GTF2H4: variants seen among roughly 807,000 people sequenced by gnomAD.
The protein encoded by GTF2H4 is BTF2 p52.
In GTF2H4, 49 loss-of-function variants were observed where a neutral mutation model predicts 62.2. The observed-to-expected ratio is 0.79, with a 90% confidence interval of 0.63 to 1.00. GTF2H4 has a LOEUF of 1.00. GTF2H4 is among the 50% of genes least tolerant of loss of function. The probability of loss-of-function intolerance (pLI) is 0.00; values close to 1 mark genes in which losing one functional copy is unlikely to be tolerated. For missense variants in GTF2H4, 479 were observed against 587.8 expected (o/e 0.81, Z 1.91); for synonymous variants, 189 against 233.8 (o/e 0.81, Z 1.75).
At position 30,911,311 on chromosome 6, in the gene GTF2H4, T is replaced by C. The variant is rs756851804; in HGVS notation, c.672+42T>C. ...ACTTAACCAGCATGCTCTGCTCCTC[T>C]CAGGTCTCACTGAGAGACTCCTGCC... On this transcript the variant is annotated intron_variant, in intron 7 of 13. Transcript: ENST00000259895. The surrounding 1 kb of genome is among the most constrained non-coding windows in gnomAD (Gnocchi z 4.3). 6.4e-7 allele frequency: 1 copy of C among 1,550,416 alleles called. No homozygotes were observed. Among genetic ancestry groups the C allele is most frequent in the Non-Finnish European group, 8.9e-7 (1 of 1,123,558 alleles).
In GTF2H4 at chr6:30,913,336, G is replaced by C. The variant is rs747335226; in HGVS notation, c.1165G>C (p.Asp389His). ...QTPVLPPTIT[D>H]QIRLWELERD... ...ACCTGTGCTGCCCCCCACCATCACCGACCAGATCCGGCTCTGGGAGCTGGA... is the reference window on the plus strand; with the variant it reads ...ACCTGTGCTGCCCCCCACCATCACCCACCAGATCCGGCTCTGGGAGCTGGA... The change falls in exon 13 of 14, where the codon GAC (aspartate) becomes CAC (histidine). Residue 389 changes from aspartate to histidine, a missense_variant. Physicochemically the swap from Asp to His is moderately conservative, Grantham distance 81 (BLOSUM62 -1). Coordinates refer to ENST00000259895, the MANE Select transcript of GTF2H4 (RefSeq NM_001517.5). The surrounding 1 kb of genome is among the most constrained non-coding windows in gnomAD (Gnocchi z 4.2). 2 of 1,613,378 alleles carry C rather than the reference G, an allele frequency of 1.2e-6. No homozygotes were observed. Among genetic ancestry groups the C allele is most frequent in the African/African-American group, 1.3e-5 (1 of 75,034 alleles).
At position 30,908,257 on chromosome 6, in the gene GTF2H4, G is replaced by T. The variant is rs2074510; in HGVS notation, c.-150G>T. On this transcript the variant is annotated 5_prime_UTR_variant, in exon 1 of 14. Transcript: ENST00000259895. ...TCTGAATTCTCCATTCTGGGCTCTTGCCTGTGAAATCTTTCTTTGCTTTCC... is the reference window on the plus strand; with the variant it reads ...TCTGAATTCTCCATTCTGGGCTCTTTCCTGTGAAATCTTTCTTTGCTTTCC... The T allele has an allele frequency of 0.26, 39,724 of 153,302 alleles. 6,064 individuals carry two copies. The highest frequency in any genetic ancestry group is 0.61 in the East Asian group (3,153 of 5,180). The allele number at this position is 153,302 out of a possible 1,614,324, so 9.5% of individuals were successfully genotyped here.
rs369929804 is a variant in GTF2H4, at chr6:30,910,739, A to G, written c.449A>G (p.Lys150Arg). ...KHARDVPSLD[K>R]YAEERWEVVL... ...GCCCGGGACGTTCCCTCCCTTGACA[A>G]GTACGCCGAGGAGCGATGGGAGGTA... The change falls in exon 5 of 14, where the codon AAG (lysine) becomes AGG (arginine). Residue 150 changes from lysine to arginine, a missense_variant. Physicochemically the swap from Lys to Arg is conservative, Grantham distance 26. Transcript: ENST00000259895. This position sits in a 1 kb window ranked among gnomAD's most constrained non-coding sequence, Gnocchi z 4.7. 1 of 1,612,716 alleles carries G rather than the reference A, an allele frequency of 6.2e-7. No individual in the cohort carries two copies. The highest frequency in any genetic ancestry group is 8.5e-7 in the Non-Finnish European group (1 of 1,179,896).
chr6:30,911,087 C>T lies in GTF2H4; in HGVS notation c.561-71C>T, dbSNP rs1020639460. 5.1e-6 allele frequency: 7 copies of T among 1,383,656 alleles called. No individual in the cohort carries two copies. The highest frequency in any genetic ancestry group is 2.2e-4 in the Middle Eastern group (1 of 4,596). The allele number at this position is 1,383,656 out of a possible 1,614,324, so 85.7% of individuals were successfully genotyped here. A position where few individuals can be genotyped will look rare whatever the true frequency, so the allele number is the denominator to read the frequency against. On this transcript the variant is annotated intron_variant, in intron 6 of 13. Transcript: ENST00000259895. This position sits in a 1 kb window ranked among gnomAD's most constrained non-coding sequence, Gnocchi z 4.3. ...TATAGCCAGAGATACCAAGAAAAAACGTGAGTGGACAAGTGGGGATAGTAG... is the reference window on the plus strand; with the variant it reads ...TATAGCCAGAGATACCAAGAAAAAATGTGAGTGGACAAGTGGGGATAGTAG...
In GTF2H4 at chr6:30,909,983, A is replaced by C. The variant is rs1419693; in HGVS notation, c.294A>C (p.Thr98=). The part of the protein sequence containing the change: ...GLLSGLRIWH[T]QLLPGGLQGL... ...TGAGCGGCCTCCGGATCTGGCACAC[A>C]CAGCTGCTCCCAGGCGGGCTCCAGG... The change falls in exon 4 of 14, where the codon ACA becomes ACC. Residue 98 remains threonine (T), a synonymous_variant. Transcript: ENST00000259895. This position sits in a 1 kb window ranked among gnomAD's most constrained non-coding sequence, Gnocchi z 4.3. The C allele has an allele frequency of 0.23, 365,091 of 1,612,486 alleles. 51,572 individuals are homozygous for C. The highest frequency in any genetic ancestry group is 0.58 in the East Asian group (26,021 of 44,842).
chr6:30,912,189 G>C lies in GTF2H4; in HGVS notation c.958+43G>C. 1 of 1,610,178 alleles carries C rather than the reference G, an allele frequency of 6.2e-7. No individual in the cohort carries two copies. The highest frequency in any genetic ancestry group is 8.5e-7 in the Non-Finnish European group (1 of 1,178,186). ...GCCCCTGGAAGAGGAGGTTGGGGGTGAGGGAATGCCAGTTTATGTTCGTGT... is the reference window on the plus strand; with the variant it reads ...GCCCCTGGAAGAGGAGGTTGGGGGTCAGGGAATGCCAGTTTATGTTCGTGT... On this transcript the variant is annotated intron_variant, in intron 10 of 13. Transcript: ENST00000259895. The surrounding 1 kb of genome is among the most constrained non-coding windows in gnomAD (Gnocchi z 4.8).
rs562729407 is a variant in GTF2H4, at chr6:30,910,607, A to C, written c.375-58A>C. 1.6e-6 allele frequency: 2 copies of C among 1,214,126 alleles called. No individual in the cohort carries two copies. The highest frequency in any genetic ancestry group is 1.5e-5 in the African/African-American group (1 of 67,548). The allele number at this position is 1,214,126 out of a possible 1,614,324, so 75.2% of individuals were successfully genotyped here. On this transcript the variant is annotated intron_variant, in intron 4 of 13. Transcript: ENST00000259895. The surrounding 1 kb of genome is among the most constrained non-coding windows in gnomAD (Gnocchi z 4.7). ...CGGCCTCCCAAAGTACAGGGATTAC[A>C]GGTGTGAGCCACTGCGCCTGGCCAG...
chr6:30,909,295 C>G lies in GTF2H4; in HGVS notation c.137+122C>G. On this transcript the variant is annotated intron_variant, in intron 2 of 13. Transcript: ENST00000259895. This position sits in a 1 kb window ranked among gnomAD's most constrained non-coding sequence, Gnocchi z 4.3. Reference sequence around the variant, plus strand: ...GACTGGGGGCAAGGGTTGGAAATTGCTCTAAAGTGTGGAGGCCAAAACAGC... The same window carrying G: ...GACTGGGGGCAAGGGTTGGAAATTGGTCTAAAGTGTGGAGGCCAAAACAGC... The G allele has an allele frequency of 7.5e-7, 1 of 1,340,122 alleles. No homozygotes were observed. Among genetic ancestry groups the G allele is most frequent in the Non-Finnish European group, 1.0e-6 (1 of 979,068 alleles). 83.0% of individuals were successfully genotyped at this position (1,340,122 alleles called of 1,614,324 possible). A position where few individuals can be genotyped will look rare whatever the true frequency, so the allele number is the denominator to read the frequency against.
Position 30,910,529 on chromosome 6 carries a change from C to T in GTF2H4, c.375-136C>T, listed in dbSNP as rs926088102. ...TATTTTTAGTAGAGATGGGGTTTCG[C>T]CATGTTGGCCAGGCTGGTCTTGAAC... On this transcript the variant is annotated intron_variant, in intron 4 of 13. Coordinates refer to ENST00000259895, the MANE Select transcript of GTF2H4 (RefSeq NM_001517.5). The surrounding 1 kb of genome is among the most constrained non-coding windows in gnomAD (Gnocchi z 4.7). 2 of 715,762 alleles carry T rather than the reference C, an allele frequency of 2.8e-6. No homozygotes were observed. The highest frequency in any genetic ancestry group is 1.8e-5 in the African/African-American group (1 of 57,104). 44.3% of individuals were successfully genotyped at this position (715,762 alleles called of 1,614,324 possible). A position where few individuals can be genotyped will look rare whatever the true frequency, so the allele number is the denominator to read the frequency against.
Position 30,909,490 on chromosome 6 carries a change from C to T in GTF2H4, c.193C>T (p.Pro65Ser), listed in dbSNP as rs150962097. Residue 65 changes from proline (P) to serine (S), a missense_variant, in exon 3 of 14, where the codon CCT becomes TCT. Coordinates refer to ENST00000259895, the MANE Select transcript of GTF2H4 (RefSeq NM_001517.5). The surrounding 1 kb of genome is among the most constrained non-coding windows in gnomAD (Gnocchi z 4.3). ...GATGCGGATGCTCTTTCTGGAGCAG[C>T]CTTTGCCACAGGCTGCTGTAGCTCT... ...WVMRMLFLEQ[P>S]LPQAAVALWV... 1 of 1,612,782 alleles carries T rather than the reference C, an allele frequency of 6.2e-7. No individual in the cohort carries two copies. The highest frequency in any genetic ancestry group is 1.6e-4 in the Middle Eastern group (1 of 6,062).
Position 30,912,926 on chromosome 6 carries a change from G to C in GTF2H4, c.1090-184G>C, listed in dbSNP as rs904209326. On this transcript the variant is annotated intron_variant, in intron 11 of 13. Transcript: ENST00000259895. This position sits in a 1 kb window ranked among gnomAD's most constrained non-coding sequence, Gnocchi z 4.8. ...TGGAAAGGGCGAATGTGCCAGAAAAGGAATATCCCACGTTGCTGGGAGCAG... is the reference window on the plus strand; with the variant it reads ...TGGAAAGGGCGAATGTGCCAGAAAACGAATATCCCACGTTGCTGGGAGCAG... Among the ~76,000 whole-genome samples the C allele has an allele frequency of 7.2e-5, 11 of 152,166 alleles. No individual in the cohort carries two copies. The highest frequency in any genetic ancestry group is 2.7e-4 in the African/African-American group (11 of 41,432).
At position 30,910,662 on chromosome 6, in the gene GTF2H4, T is replaced by C. The variant is rs1215842459; in HGVS notation, c.375-3T>C. Reference sequence around the variant, plus strand: ...CCTTACTCTTGGCCCATCCTGGCCGTAGGGGGAAGGCCTGGTCTGATGACA... The same window carrying C: ...CCTTACTCTTGGCCCATCCTGGCCGCAGGGGGAAGGCCTGGTCTGATGACA... On this transcript the variant is annotated splice_polypyrimidine_tract_variant and splice_region_variant and intron_variant, in intron 4 of 13. Transcript: ENST00000259895. This position sits in a 1 kb window ranked among gnomAD's most constrained non-coding sequence, Gnocchi z 4.7. The C allele has an allele frequency of 1.8e-5, 29 of 1,611,442 alleles. No individual in the cohort carries two copies. Among genetic ancestry groups the C allele is most frequent in the Non-Finnish European group, 2.4e-5 (28 of 1,178,780 alleles).
rs767823588 is a variant in GTF2H4 at position 30,910,772 on chromosome 6, G to T, written c.471+11G>T. On this transcript the variant is annotated intron_variant, in intron 5 of 13. Coordinates refer to ENST00000259895, the MANE Select transcript of GTF2H4 (RefSeq NM_001517.5). The surrounding 1 kb of genome is among the most constrained non-coding windows in gnomAD (Gnocchi z 4.7). Reference sequence around the variant, plus strand: ...GAGGAGCGATGGGAGGTAAGCACTTGGGAGTGTGTGTGTCTCTGCTTGTGC... The same window carrying T: ...GAGGAGCGATGGGAGGTAAGCACTTTGGAGTGTGTGTGTCTCTGCTTGTGC... The T allele has an allele frequency of 6.2e-7, 1 of 1,609,534 alleles. No individual in the cohort carries two copies. Among genetic ancestry groups the T allele is most frequent in the Non-Finnish European group, 8.5e-7 (1 of 1,177,014 alleles).
chr6:30,909,665 C>G lies in GTF2H4; in HGVS notation c.242+126C>G. 1 of 651,888 alleles carries G rather than the reference C, an allele frequency of 1.5e-6. No individual in the cohort carries two copies. Among genetic ancestry groups the G allele is most frequent in the Non-Finnish European group, 2.7e-6 (1 of 375,808 alleles). The allele number at this position is 651,888 out of a possible 1,614,324, so 40.4% of individuals were successfully genotyped here. A position where few individuals can be genotyped will look rare whatever the true frequency, so the allele number is the denominator to read the frequency against. On this transcript the variant is annotated intron_variant, in intron 3 of 13. Coordinates refer to ENST00000259895, the MANE Select transcript of GTF2H4 (RefSeq NM_001517.5). This position sits in a 1 kb window ranked among gnomAD's most constrained non-coding sequence, Gnocchi z 4.3. ...TAAAAATAAATACATTTGGGAAACT[C>G]TGCATATTGCCTTTTCCCTTTTATT...
At position 30,910,556 on chromosome 6, in the gene GTF2H4, C is replaced by T; in HGVS notation, c.375-109C>T. ...ATGTTGGCCAGGCTGGTCTTGAACT[C>T]CTGACCTCAAGTGATCCGCCCATCT... On this transcript the variant is annotated intron_variant, in intron 4 of 13. Coordinates refer to ENST00000259895, the MANE Select transcript of GTF2H4 (RefSeq NM_001517.5). This position sits in a 1 kb window ranked among gnomAD's most constrained non-coding sequence, Gnocchi z 4.7. 1 of 796,840 alleles carries T rather than the reference C, an allele frequency of 1.3e-6. No homozygotes were observed. The highest frequency in any genetic ancestry group is 1.4e-5 in the South Asian group (1 of 70,498). 49.4% of individuals were successfully genotyped at this position (796,840 alleles called of 1,614,324 possible). A position where few individuals can be genotyped will look rare whatever the true frequency, so the allele number is the denominator to read the frequency against.
At position 30,913,168 on chromosome 6, in the gene GTF2H4, G is replaced by C. The variant is rs184386886; in HGVS notation, c.1137+11G>C. ...GTGATGCTCAAACAGGTATAGACAG[G>C]CTCCAAGATGTCAGAGGCTGGCAGC... On this transcript the variant is annotated intron_variant, in intron 12 of 13. Coordinates refer to ENST00000259895, the MANE Select transcript of GTF2H4 (RefSeq NM_001517.5). This position sits in a 1 kb window ranked among gnomAD's most constrained non-coding sequence, Gnocchi z 4.2. The C allele has an allele frequency of 1.9e-6, 3 of 1,614,022 alleles. No individual in the cohort carries two copies. The highest frequency in any genetic ancestry group is 2.2e-5 in the South Asian group (2 of 91,074).
chr6:30,912,374 C>G lies in GTF2H4; in HGVS notation c.1005C>G (p.Leu335=). The change falls in exon 11 of 14, where the codon CTC becomes CTG. Residue 335 remains leucine, a synonymous_variant. Coordinates refer to ENST00000259895, the MANE Select transcript of GTF2H4 (RefSeq NM_001517.5). The surrounding 1 kb of genome is among the most constrained non-coding windows in gnomAD (Gnocchi z 4.8). ...TCATTGCCCTCTTCTCTGAGATGCT[C>G]TATCGGTTCCCCAACATGGTGGTGG... ...IALIALFSEM[L]YRFPNMVVAQ... The G allele has an allele frequency of 6.2e-7, 1 of 1,613,012 alleles. No homozygotes were observed. Among genetic ancestry groups the G allele is most frequent in the Non-Finnish European group, 8.5e-7 (1 of 1,180,030 alleles).
chr6:30,908,974 G>A, intron 1 of GTF2H4, 60 bp from the exon 2 acceptor site: 1 of 1,596,652 alleles, frequency 6.3e-7, no homozygotes. Flanking sequence ...CAGTTAGAAA[G>A]GTCAGGGGTG....
In GTF2H4 at chr6:30,909,838, G is replaced by A. The variant is rs944465121; in HGVS notation, c.243-94G>A. On this transcript the variant is annotated intron_variant, in intron 3 of 13. Coordinates refer to ENST00000259895, the MANE Select transcript of GTF2H4 (RefSeq NM_001517.5). The surrounding 1 kb of genome is among the most constrained non-coding windows in gnomAD (Gnocchi z 4.3). Reference sequence around the variant, plus strand: ...TCACTCTGTGGAACAGTGTTCCAAGGGTCAGCAAGTTCAGAACAGGCAGAG... The same window carrying A: ...TCACTCTGTGGAACAGTGTTCCAAGAGTCAGCAAGTTCAGAACAGGCAGAG... 39 of 1,240,144 alleles carry A rather than the reference G, an allele frequency of 3.1e-5. No homozygotes were observed. The African/African-American group carries it at 5.6e-4, about 18-fold the overall frequency. 76.8% of individuals were successfully genotyped at this position (1,240,144 alleles called of 1,614,324 possible).
Sources: allele counts gnomAD v4.1 joint callset (sites outside exome capture counted in the v4.1 genomes callset), GRCh38; gene constraint gnomAD v4.1.1; non-coding constraint Gnocchi (gnomAD v3.1); transcripts MANE v1.5; gene names NCBI Gene and HGNC (gene_info 2026-07-23, HGNC 2026-07-21).